The following ARFGAP3 variants were observed in gnomAD, a reference collection of about 807,000 sequenced individuals.
ARFGAP3 encodes ARF GTPase activating protein 3.
A neutral mutation model predicts 75.0 loss-of-function variants in ARFGAP3; 72 were observed. The observed-to-expected ratio is 0.96, with a 90% CI of 0.79 to 1.17. The LOEUF (loss-of-function observed/expected upper bound fraction) is 1.17. Among genes scored for constraint, ARFGAP3 ranks in the 50% most tolerant of loss-of-function variants. ARFGAP3 has a pLI of 0.00. For missense variants in ARFGAP3, 620 were observed against 626.6 expected (o/e 0.99, Z 0.11); for synonymous variants, 221 against 217.9 (o/e 1.01, Z -0.13).
At chr22:42,829,668 T>C (rs1926199522) in intron 6 of ARFGAP3, among the ~76,000 whole-genome samples, 1 of 152,244 alleles carries the variant, frequency 6.6e-6, no homozygotes, top group Non-Finnish European at 1.5e-5. Context: ...TTATCATTTG[T>C]CTTCACTTTA....
At position 42,826,825 on chromosome 22, in the gene ARFGAP3, G is replaced by C. The variant is rs559575258; in HGVS notation, c.625+115C>G. 22 of 695,680 alleles carry C rather than the reference G, an allele frequency of 3.2e-5. No individual in the cohort carries two copies. In the South Asian group the frequency reaches 4.7e-4, roughly 15 times the overall value. 43.1% of individuals were successfully genotyped at this position (695,680 alleles called of 1,614,324 possible). On this transcript the variant is annotated intron_variant, in intron 7 of 15. Coordinates refer to ENST00000263245, the MANE Select transcript of ARFGAP3 (RefSeq NM_014570.5). ...TAATAAAATCTTATTAACAGATTCG[G>C]TCATGATTATATTACTCCGTCAGGT...
intron 1 of ARFGAP3, among the ~76,000 whole-genome samples, chr22:42,854,968 C>T (rs890544059): frequency 6.6e-6 from 1 of 152,192 alleles, no homozygotes; most frequent in Non-Finnish European, 1.5e-5. Flanking sequence ...AAATTTTTCA[C>T]AGGTGTGTTC....
chr22:42,843,536 G>T (rs1189063369), intron 2 of ARFGAP3, among the ~76,000 whole-genome samples: 1 of 152,078 alleles, frequency 6.6e-6, no homozygotes, highest in Non-Finnish European at 1.5e-5. Flanking sequence ...GCCCGGCCTT[G>T]TCTCCATTAT....
intron 11 of ARFGAP3, among the ~76,000 whole-genome samples, chr22:42,813,765 C>T (rs1234315994): frequency 6.6e-6 from 1 of 152,190 alleles, no homozygotes; most frequent in Non-Finnish European, 1.5e-5. Context: ...GACCACCAGC[C>T]AGGACTCCAG....
Position 42,847,506 on chromosome 22 carries a change from T to G in ARFGAP3, c.188+8A>C. Reference sequence around the variant, plus strand: ...CAATCTCACCCCAATGAGAGAAGATTCACTTACCGAATAAAACTCAAGTGA... The same window carrying G: ...CAATCTCACCCCAATGAGAGAAGATGCACTTACCGAATAAAACTCAAGTGA... On this transcript the variant is annotated splice_region_variant and intron_variant, in intron 2 of 15. Transcript: ENST00000263245. The G allele has an allele frequency of 1.9e-6, 3 of 1,607,674 alleles. No homozygotes were observed. Among genetic ancestry groups the G allele is most frequent in the Non-Finnish European group, 2.6e-6 (3 of 1,174,928 alleles).
At chr22:42,846,412 T>C (rs1927021388) in intron 2 of ARFGAP3, among the ~76,000 whole-genome samples, 1 of 152,224 alleles carries the variant, frequency 6.6e-6, no homozygotes, top group African/African-American at 2.4e-5. Flanking sequence ...TCACAAATAG[T>C]CCTGCCTCCC....
At chr22:42,805,852 C>T (rs375147302) in intron 14 of ARFGAP3, among the ~76,000 whole-genome samples, 134 of 152,360 alleles carry the variant, frequency 8.8e-4, no homozygotes, top group Middle Eastern at 6.8e-3. Context: ...TGGCTCTCTG[C>T]CAGCTGCTCT....
chr22:42,840,411 TTTTG>T (rs895556526), intron 3 of ARFGAP3, among the ~76,000 whole-genome samples: 16 of 151,868 alleles, frequency 1.1e-4, no homozygotes, highest in Admixed American at 2.6e-4. Context: ...ATTGAACTCT[TTTTG>T]TTTGTTTGTT....
chr22:42,846,812 C>T (rs1220700646), intron 2 of ARFGAP3, among the ~76,000 whole-genome samples: 1 of 152,108 alleles, frequency 6.6e-6, no homozygotes, highest in African/African-American at 2.4e-5. Context: ...TTTGTACTGC[C>T]GAATTATTAG....
chr22:42,817,312 G>T, intron 10 of ARFGAP3, 48 bp from the exon 11 acceptor site: 1 of 1,544,730 alleles, frequency 6.5e-7, no homozygotes, highest in Non-Finnish European at 8.7e-7. Context: ...ACAAACTTTT[G>T]TTTCACCAAA....
chr22:42,825,215 A>G (rs1274455575), intron 7 of ARFGAP3, among the ~76,000 whole-genome samples: 3 of 152,118 alleles, frequency 2.0e-5, no homozygotes, highest in Admixed American at 2.0e-4. Flanking sequence ...GATTGCACCC[A>G]CTGCACTCCA....
chr22:42,830,971 C>T (rs1182416487), intron 6 of ARFGAP3, among the ~76,000 whole-genome samples: 1 of 152,030 alleles, frequency 6.6e-6, no homozygotes, highest in East Asian at 1.9e-4. Context: ...TTTTCCCCCA[C>T]TTTATAGTCT....
chr22:42,817,172 C>T lies in ARFGAP3; in HGVS notation c.1034G>A (p.Ser345Asn). 1 of 1,613,152 alleles carries T rather than the reference C, an allele frequency of 6.2e-7. No individual in the cohort carries two copies. Among genetic ancestry groups the T allele is most frequent in the Non-Finnish European group, 8.5e-7 (1 of 1,179,328 alleles). Residue 345 changes from serine to asparagine, a missense_variant, in exon 11 of 16, where the codon AGT (serine) becomes AAT (asparagine). Transcript: ENST00000263245. ...AKPRKKYNDD[S>N]DDSYFTSSSS... ...GCTGGAAGTAAAATATGAATCGTCA[C>T]TGTCATCATTATACTTTTTTCTTGG...
chr22:42,827,091 T>TAG, intron 6 of ARFGAP3, 92 bp from the exon 7 acceptor site: 1 of 1,519,366 alleles, frequency 6.6e-7, no homozygotes, highest in Non-Finnish European at 8.8e-7. Context: ...CAGTGCTACA[T>TAG]CTTATCCAAT....
intron 2 of ARFGAP3, among the ~76,000 whole-genome samples, chr22:42,843,317 C>T (rs1926868603): frequency 6.6e-6 from 1 of 152,318 alleles, no homozygotes; most frequent in South Asian, 2.1e-4. Flanking sequence ...TACAAAAAGT[C>T]GCTACAAAGC....
At chr22:42,856,833 C>A (rs1341032743) in intron 1 of ARFGAP3, among the ~76,000 whole-genome samples, 1 of 151,724 alleles carries the variant, frequency 6.6e-6, no homozygotes, top group African/African-American at 2.4e-5. Context: ...CGGTGCTCGC[C>A]CCCCGCCCCA....
intron 12 of ARFGAP3, among the ~76,000 whole-genome samples, chr22:42,809,607 T>C (rs1210804269): frequency 6.6e-6 from 1 of 152,024 alleles, no homozygotes; most frequent in Non-Finnish European, 1.5e-5. Flanking sequence ...ATGGGAACTG[T>C]TCTGTTTCTT....
rs542524197 is a variant in ARFGAP3, at chr22:42,846,985, AGAGT to A, written c.188+525_188+528del. ...AACCTTCTTACTGGTTGGACTCTGT[AGAGT>A]CCAGAGGCAGCATCGCCTAGTGAGA... is the stretch of plus-strand genomic sequence containing the variant. On this transcript the variant is annotated intron_variant, in intron 2 of 15. Coordinates refer to ENST00000263245, the MANE Select transcript of ARFGAP3 (RefSeq NM_014570.5). Among the ~76,000 whole-genome samples, 28 of 152,308 alleles carry A rather than the reference AGAGT, an allele frequency of 1.8e-4. No homozygotes were observed. In the South Asian group the frequency reaches 3.7e-3, roughly 20 times the overall value.
At chr22:42,848,298 T>C (rs1157636526) in intron 1 of ARFGAP3, among the ~76,000 whole-genome samples, 1 of 152,120 alleles carries the variant, frequency 6.6e-6, no homozygotes, top group Non-Finnish European at 1.5e-5. Flanking sequence ...AAGCTCCGCC[T>C]CCCAGGTTCA....
Sources: allele counts gnomAD v4.1 joint callset (sites outside exome capture counted in the v4.1 genomes callset), GRCh38; gene constraint gnomAD v4.1.1; transcripts MANE v1.5; gene names NCBI Gene and HGNC (gene_info 2026-07-23, HGNC 2026-07-21).